RPL21: variants seen among roughly 807,000 people sequenced by gnomAD.
RPL21 encodes large ribosomal subunit protein eL21.
In RPL21, 1 loss-of-function variant was observed where a neutral mutation model predicts 21.2. That is an observed-to-expected ratio of 0.05 (90% CI 0.02 to 0.22). The LOEUF (loss-of-function observed/expected upper bound fraction) is 0.22. RPL21 is among the 10% of genes least tolerant of loss of function. The pLI is 1.00. For synonymous variants in RPL21, 52 were observed against 62.9 expected, an observed-to-expected ratio of 0.83 and a Z score of 0.82; for missense variants, 113 against 199.4, an observed-to-expected ratio of 0.57 and a Z score of 2.61.
rs376852805 is a variant in RPL21, at chr13:27,256,533, T to TA, written c.*19dup. Reference sequence around the variant, plus strand: ...TATGAATTCATGGCATAATAGGTGTTAAAAAAAAAAATAAAGGACCTCTGG... The same window carrying TA: ...TATGAATTCATGGCATAATAGGTGTTAAAAAAAAAAAATAAAGGACCTCTGG... On this transcript the variant is annotated 3_prime_UTR_variant, in exon 6 of 6. Transcript: ENST00000311549. 7,238 of 952,808 alleles carry TA rather than the reference T, an allele frequency of 7.6e-3. 4 individuals are homozygous for TA. Among genetic ancestry groups the TA allele is most frequent in the African/African-American group, 0.016 (974 of 60,060 alleles). The allele number at this position is 952,808 out of a possible 1,614,324, so 59.0% of individuals were successfully genotyped here. A position where few individuals can be genotyped will look rare whatever the true frequency, so the allele number is the denominator to read the frequency against.
At chr13:27,252,724 T>G (rs193091336) in intron 1 of RPL21, among the ~76,000 whole-genome samples, 4 of 152,352 alleles carry the variant, frequency 2.6e-5, no homozygotes, top group Non-Finnish European at 5.9e-5. Flanking sequence ...GTTCATCCAT[T>G]GTAACAATGG....
intron 1 of RPL21, among the ~76,000 whole-genome samples, chr13:27,253,517 T>C (rs997203034): frequency 6.6e-6 from 1 of 152,218 alleles, no homozygotes; most frequent in Admixed American, 6.5e-5. Context: ...GGGTACTAGT[T>C]TGGATTCTCG....
chr13:27,253,553 T>C (rs957538186), intron 1 of RPL21, among the ~76,000 whole-genome samples: 1 of 152,212 alleles, frequency 6.6e-6, no homozygotes, highest in Non-Finnish European at 1.5e-5. Context: ...CTTAAGAGTT[T>C]TGATGTTATA....
chr13:27,255,213 C>G (rs367838328), intron 3 of RPL21, 29 bp from the exon 4 acceptor site: 2 of 869,932 alleles, frequency 2.3e-6, no homozygotes, highest in Admixed American at 1.7e-5. Flanking sequence ...AGGGGAAATG[C>G]TGGTATATAA....
intron 4 of RPL21, chr13:27,255,635 G>T (rs1431763805): frequency 7.7e-6 from 4 of 516,186 alleles, no homozygotes; most frequent in Non-Finnish European, 1.5e-5. Context: ...GCAGTGGTGG[G>T]ATCTCTGCTC....
chr13:27,255,551 T>TA, intron 4 of RPL21, 197 bp downstream of exon 4: 1 of 745,464 alleles, frequency 1.3e-6, no homozygotes, highest in East Asian at 2.5e-5. Flanking sequence ...TGGAAAGTCT[T>TA]ACACAGTTAG....
At chr13:27,255,448 T>A (rs1224284000) in intron 4 of RPL21, 94 bp downstream of exon 4, 2 of 777,204 alleles carry the variant, frequency 2.6e-6, no homozygotes, top group Non-Finnish European at 4.8e-6. Context: ...TATTGGTCAT[T>A]CAAGTGGGGC....
intron 2 of RPL21, 125 bp from the exon 3 acceptor site, chr13:27,254,095 C>T: frequency 1.3e-6 from 1 of 744,296 alleles, no homozygotes; most frequent in South Asian, 1.5e-5. Context: ...AGAAATTGTC[C>T]ATTGGGAAGA....
intron 1 of RPL21, among the ~76,000 whole-genome samples, chr13:27,253,222 G>C (rs903182685): frequency 6.6e-6 from 1 of 152,150 alleles, no homozygotes; most frequent in Non-Finnish European, 1.5e-5. Context: ...TATAAAGCCT[G>C]GGTTCCCCTC....
chr13:27,254,348 A>G, intron 3 of RPL21, 67 bp downstream of exon 3: 1 of 888,556 alleles, frequency 1.1e-6, no homozygotes, highest in Non-Finnish European at 1.9e-6. Flanking sequence ...TAGTGTAGGA[A>G]TTCAAATACT....
In RPL21 at chr13:27,254,294, T is replaced by C. The variant is rs778776839; in HGVS notation, c.129+13T>C. The C allele has an allele frequency of 7.8e-5, 118 of 1,519,676 alleles. 2 individuals are homozygous for C. In the South Asian group the frequency reaches 1.3e-3, roughly 17 times the overall value. The allele number at this position is 1,519,676 out of a possible 1,614,324, so 94.1% of individuals were successfully genotyped here. A position where few individuals can be genotyped will look rare whatever the true frequency, so the allele number is the denominator to read the frequency against. ...TGTAGACATCAAGGTAAACATAAAA[T>C]TGGGAAAATAACACTACAGAAGATA... On this transcript the variant is annotated intron_variant, in intron 3 of 5. Coordinates refer to ENST00000311549, the MANE Select transcript of RPL21 (RefSeq NM_000982.4).
At chr13:27,252,940 C>T (rs753842621) in intron 1 of RPL21, among the ~76,000 whole-genome samples, 4 of 152,188 alleles carry the variant, frequency 2.6e-5, no homozygotes, top group Non-Finnish European at 5.9e-5. Flanking sequence ...CCTATAATGA[C>T]TAAAGAGCTA....
chr13:27,254,137 T>C (rs1881777529), intron 2 of RPL21, 83 bp from the exon 3 acceptor site: 1 of 860,374 alleles, frequency 1.2e-6, no homozygotes, highest in Non-Finnish European at 2.0e-6. Flanking sequence ...AAATGATATA[T>C]GTGTTAAAAG....
intron 4 of RPL21, chr13:27,255,577 T>G (rs531827328): frequency 6.7e-5 from 47 of 698,862 alleles, no homozygotes; most frequent in Middle Eastern, 2.8e-4. Flanking sequence ...AAGCGGTTTG[T>G]TTGTTTTGTT....
rs1348580959 is a variant in RPL21 at position 27,253,435 on chromosome 13, GCATTCTAAATTGGGTT to G, written c.-12-328_-12-313del. On this transcript the variant is annotated intron_variant, in intron 1 of 5. Coordinates refer to ENST00000311549, the MANE Select transcript of RPL21 (RefSeq NM_000982.4). ...TCTAGTTAGTAATTACATGCCCTTG[GCATTCTAAATTGGGTT>G]CTACAGATAGAGTGTGGTAGAAGTC... Among the ~76,000 whole-genome samples, 11 of 152,274 alleles carry G rather than the reference GCATTCTAAATTGGGTT, an allele frequency of 7.2e-5. No individual in the cohort carries two copies. In the South Asian group the frequency reaches 1.9e-3, roughly 26 times the overall value.
chr13:27,253,899 G>A, intron 2 of RPL21, 56 bp downstream of exon 2: 1 of 992,708 alleles, frequency 1.0e-6, no homozygotes, highest in Non-Finnish European at 1.6e-6. Flanking sequence ...GTTCTGTTGT[G>A]TTCAACATGT....
chr13:27,252,357 T>C (rs1454374039), intron 1 of RPL21, among the ~76,000 whole-genome samples: 1 of 152,174 alleles, frequency 6.6e-6, no homozygotes, highest in Non-Finnish European at 1.5e-5. Context: ...TTTTGTCTAG[T>C]TTGTGGACGT....
chr13:27,251,832 C>T (rs771692444), intron 1 of RPL21: 1 of 152,510 alleles, frequency 6.6e-6, no homozygotes, highest in African/African-American at 2.4e-5. Flanking sequence ...GCGAGAAAGA[C>T]GAGACTGAGT....
intron 4 of RPL21, chr13:27,255,627 A>C (rs1156305188): frequency 5.6e-6 from 3 of 539,700 alleles, no homozygotes; most frequent in Non-Finnish European, 1.1e-5. Flanking sequence ...GCTGGAGTGC[A>C]GTGGTGGGAT....
Sources: allele counts gnomAD v4.1 joint callset (sites outside exome capture counted in the v4.1 genomes callset), GRCh38; gene constraint gnomAD v4.1.1; transcripts MANE v1.5; gene names NCBI Gene and HGNC (gene_info 2026-07-23, HGNC 2026-07-21).